Variants in EFNA5 observed in about 807,000 individuals in gnomAD.
The protein encoded by EFNA5 is ephrin-A5.
In EFNA5, 5 loss-of-function variants were observed where a neutral mutation model predicts 22.9. That is an observed-to-expected ratio of 0.22 (90% CI 0.11 to 0.46). The LOEUF is 0.46. Among genes scored for constraint, EFNA5 ranks in the 20% least tolerant of loss-of-function variants. The pLI is 0.99. For missense variants in EFNA5, 237 were observed against 293.3 expected (o/e 0.81, Z 1.40); for synonymous variants, 113 against 112.2 (o/e 1.01, Z -0.04).
intron 1 of EFNA5, among the ~76,000 whole-genome samples, chr5:107,493,869 T>C (rs1483760399): frequency 6.6e-6 from 1 of 152,154 alleles, no homozygotes; most frequent in African/African-American, 2.4e-5. Flanking sequence ...ATTACCCACA[T>C]GTCACAGATG....
At position 107,432,655 on chromosome 5, in the gene EFNA5, C is replaced by T. The variant is rs560695920; in HGVS notation, c.126-5146G>A. 8.5e-5 allele frequency among the ~76,000 whole-genome samples: 13 copies of T among 152,264 alleles called. No homozygotes were observed. The South Asian group carries it at 1.9e-3, about 22-fold the overall frequency. On this transcript the variant is annotated intron_variant, in intron 1 of 4. Coordinates refer to ENST00000333274, the MANE Select transcript of EFNA5 (RefSeq NM_001962.3). Reference sequence around the variant, plus strand: ...TGTGTTTGAGTCAAACAATTACGGCCCTGCCTGTTTTCACAGTGTAAAAGT... The same window carrying T: ...TGTGTTTGAGTCAAACAATTACGGCTCTGCCTGTTTTCACAGTGTAAAAGT...
chr5:107,433,421 A>G (rs1749020107), intron 1 of EFNA5, among the ~76,000 whole-genome samples: 1 of 152,220 alleles, frequency 6.6e-6, no homozygotes, highest in Non-Finnish European at 1.5e-5. Context: ...ACCAGAGGCC[A>G]CCTGGAGCAT....
rs151256263 is a variant in EFNA5, at chr5:107,521,612, G to A, written c.126-94103C>T. Among the ~76,000 whole-genome samples, 259 of 151,400 alleles carry A rather than the reference G, an allele frequency of 1.7e-3. 2 individuals are homozygous for A. The highest frequency in any genetic ancestry group is 5.8e-3 in the African/African-American group (241 of 41,282). On this transcript the variant is annotated intron_variant, in intron 1 of 4. Coordinates refer to ENST00000333274, the MANE Select transcript of EFNA5 (RefSeq NM_001962.3). ...AGGCATGAGCCACCAAGTACTAGTT[G>A]TCTACCCTAGTGATTGCGCGGCTTA...
chr5:107,624,133 C>A (rs1277755778), intron 1 of EFNA5, among the ~76,000 whole-genome samples: 4 of 151,944 alleles, frequency 2.6e-5, no homozygotes, highest in Non-Finnish European at 5.9e-5. Context: ...GGCATTCATC[C>A]TACCTTAATA....
chr5:107,563,180 C>G (rs1469577361), intron 1 of EFNA5, among the ~76,000 whole-genome samples: 1 of 152,126 alleles, frequency 6.6e-6, no homozygotes, highest in African/African-American at 2.4e-5. Flanking sequence ...CTTTAAGGAC[C>G]AAACCTTTAA....
chr5:107,446,190 C>T (rs1749388773), intron 1 of EFNA5, among the ~76,000 whole-genome samples: 1 of 152,082 alleles, frequency 6.6e-6, no homozygotes, highest in South Asian at 2.1e-4. Flanking sequence ...TAAATGATGA[C>T]TAAAAGTACA....
At chr5:107,545,001 T>C (rs1748117864) in intron 1 of EFNA5, among the ~76,000 whole-genome samples, 1 of 152,256 alleles carries the variant, frequency 6.6e-6, no homozygotes, top group South Asian at 2.1e-4. Flanking sequence ...TTTGAAGCCA[T>C]GTGACTTGTA....
At chr5:107,614,331 G>T (rs1749873298) in intron 1 of EFNA5, among the ~76,000 whole-genome samples, 1 of 152,042 alleles carries the variant, frequency 6.6e-6, no homozygotes, top group South Asian at 2.1e-4. Context: ...ACATAGTGTT[G>T]ACAATGTTTA....
At chr5:107,633,100 T>C (rs574290300) in intron 1 of EFNA5, among the ~76,000 whole-genome samples, 1 of 152,266 alleles carries the variant, frequency 6.6e-6, no homozygotes, top group African/African-American at 2.4e-5. Flanking sequence ...TAAATTGAGG[T>C]CATTTTTTAA....
At chr5:107,466,987 A>G (rs1252326089) in intron 1 of EFNA5, among the ~76,000 whole-genome samples, 1 of 152,164 alleles carries the variant, frequency 6.6e-6, no homozygotes, top group Non-Finnish European at 1.5e-5. Flanking sequence ...TTTCAAGCCT[A>G]TCTTCATTGA....
chr5:107,665,138 C>T (rs1751039811), intron 1 of EFNA5, among the ~76,000 whole-genome samples: 2 of 152,084 alleles, frequency 1.3e-5, no homozygotes, highest in South Asian at 2.1e-4. Flanking sequence ...CTGGCATATA[C>T]TTATCCCAAG....
chr5:107,607,723 G>C (rs950697955), intron 1 of EFNA5, among the ~76,000 whole-genome samples: 1 of 152,082 alleles, frequency 6.6e-6, no homozygotes, highest in African/African-American at 2.4e-5. Context: ...GAGTGGAGGG[G>C]GAGAGGAAGG....
chr5:107,462,250 G>C lies in EFNA5; in HGVS notation c.126-34741C>G, dbSNP rs149352973. Among the ~76,000 whole-genome samples the C allele has an allele frequency of 3.8e-3, 574 of 152,186 alleles. 5 individuals carry two copies. Among genetic ancestry groups the C allele is most frequent in the Middle Eastern group, 0.024 (7 of 294 alleles). On this transcript the variant is annotated intron_variant, in intron 1 of 4. Transcript: ENST00000333274. ...ATAGAGTGTGCTTGGGAGGAGGTTTGCTGAAGAAAAGAATCAGCAAGAAAG... is the reference window on the plus strand; with the variant it reads ...ATAGAGTGTGCTTGGGAGGAGGTTTCCTGAAGAAAAGAATCAGCAAGAAAG...
chr5:107,566,215 AACTC>A (rs1748664799), intron 1 of EFNA5, among the ~76,000 whole-genome samples: 1 of 152,144 alleles, frequency 6.6e-6, no homozygotes. Context: ...GGCCTTCATA[AACTC>A]ACTATTTTTC....
At chr5:107,420,224 T>G (rs1053764601) in intron 2 of EFNA5, among the ~76,000 whole-genome samples, 22 of 152,136 alleles carry the variant, frequency 1.4e-4, no homozygotes, top group African/African-American at 5.3e-4. Flanking sequence ...ATTTATGAAA[T>G]TTTTTACTGA....
At chr5:107,498,498 A>G (rs1025405399) in intron 1 of EFNA5, among the ~76,000 whole-genome samples, 1 of 152,204 alleles carries the variant, frequency 6.6e-6, no homozygotes, top group Non-Finnish European at 1.5e-5. Context: ...CCCACACATC[A>G]TAGTCTATCA....
chr5:107,638,457 T>C (rs1750432933), intron 1 of EFNA5, among the ~76,000 whole-genome samples: 1 of 152,156 alleles, frequency 6.6e-6, no homozygotes, highest in Non-Finnish European at 1.5e-5. Flanking sequence ...CTAATAACAA[T>C]ACATTGTATA....
chr5:107,600,023 T>C (rs975192298), intron 1 of EFNA5, among the ~76,000 whole-genome samples: 1 of 152,150 alleles, frequency 6.6e-6, no homozygotes, highest in Non-Finnish European at 1.5e-5. Flanking sequence ...ATTCAAGAAA[T>C]GAAAATTACA....
intron 1 of EFNA5, among the ~76,000 whole-genome samples, chr5:107,462,965 G>A (rs1280940571): frequency 6.6e-6 from 1 of 152,140 alleles, no homozygotes; most frequent in Non-Finnish European, 1.5e-5. Flanking sequence ...GGAGATGTGG[G>A]TTCTAGTCCC....
Sources: allele counts gnomAD v4.1 joint callset (sites outside exome capture counted in the v4.1 genomes callset), GRCh38; gene constraint gnomAD v4.1.1; transcripts MANE v1.5; gene names NCBI Gene and HGNC (gene_info 2026-07-23, HGNC 2026-07-21).